Variants in YEATS2 observed in about 807,000 individuals in gnomAD.
YEATS2 encodes YEATS domain-containing protein 2.
YEATS2 carries 77 observed loss-of-function variants against 163.2 expected under a neutral mutation model. That is an observed-to-expected ratio of 0.47 (90% CI 0.39 to 0.57). The LOEUF is 0.57. Among genes scored for constraint, YEATS2 ranks in the 20% least tolerant of loss-of-function variants. The probability of loss-of-function intolerance (pLI) is 0.00; values close to 1 mark genes in which losing one functional copy is unlikely to be tolerated. For missense variants in YEATS2, 1,549 were observed against 1,729.8 expected, an observed-to-expected ratio of 0.90 and a Z score of 1.85; for synonymous variants, 631 against 645.1, an observed-to-expected ratio of 0.98 and a Z score of 0.33.
intron 5 of YEATS2, among the ~76,000 whole-genome samples, chr3:183,722,683 C>T (rs895321219): frequency 1.4e-5 from 2 of 148,112 alleles, no homozygotes; most frequent in South Asian, 2.2e-4. Flanking sequence ...GACGGAGTCT[C>T]GCTTTATCAC....
intron 12 of YEATS2, among the ~76,000 whole-genome samples, chr3:183,757,476 A>C (rs994421386): frequency 6.6e-6 from 1 of 150,446 alleles, no homozygotes; most frequent in Non-Finnish European, 1.5e-5. Flanking sequence ...TTTTTAGTAG[A>C]GATGGGGTTT....
intron 15 of YEATS2, among the ~76,000 whole-genome samples, chr3:183,765,903 C>T (rs921793830): frequency 3.3e-5 from 5 of 150,414 alleles, no homozygotes; most frequent in African/African-American, 7.4e-5. Flanking sequence ...ACTGAGATGA[C>T]GCCACTGTAC....
chr3:183,758,395 A>G (rs1389700840), intron 12 of YEATS2, among the ~76,000 whole-genome samples: 1 of 152,124 alleles, frequency 6.6e-6, no homozygotes, highest in Non-Finnish European at 1.5e-5. Context: ...ATTTTGGAAT[A>G]GGCATAACTT....
intron 29 of YEATS2, 136 bp downstream of exon 29, chr3:183,808,240 T>C (rs1312903371): frequency 1.6e-6 from 1 of 633,434 alleles, no homozygotes; most frequent in Non-Finnish European, 2.6e-6. Flanking sequence ...AAGTTCTCTC[T>C]TTTTGTTTTT....
At chr3:183,747,926 C>T (rs1172971601) in intron 9 of YEATS2, among the ~76,000 whole-genome samples, 5 of 151,820 alleles carry the variant, frequency 3.3e-5, no homozygotes, top group African/African-American at 1.2e-4. Flanking sequence ...ATTACAGGAA[C>T]GCACCACCAT....
intron 5 of YEATS2, among the ~76,000 whole-genome samples, chr3:183,722,673 G>A (rs1716649073): frequency 6.6e-6 from 1 of 151,168 alleles, no homozygotes; most frequent in African/African-American, 2.4e-5. Context: ...TTTTTTCTGA[G>A]ACGGAGTCTC....
chr3:183,797,827 A>G, intron 21 of YEATS2, 96 bp from the exon 22 acceptor site: 1 of 1,509,242 alleles, frequency 6.6e-7, no homozygotes, highest in Non-Finnish European at 9.0e-7. Context: ...TGTCCTGGGA[A>G]CTTCCTCCAT....
intron 15 of YEATS2, among the ~76,000 whole-genome samples, chr3:183,765,636 G>A (rs1721827121): frequency 6.6e-6 from 1 of 152,164 alleles, no homozygotes; most frequent in Non-Finnish European, 1.5e-5. Context: ...TATTGCTGAA[G>A]TGCATTCCTA....
intron 19 of YEATS2, among the ~76,000 whole-genome samples, chr3:183,779,160 C>T (rs564299447): frequency 8.5e-5 from 13 of 152,272 alleles, no homozygotes; most frequent in South Asian, 2.1e-4. Context: ...CTGCCCGCCT[C>T]GGCCTCCGAA....
chr3:183,744,102 CTTTTTTTTTTTTT>C (rs562807575), intron 8 of YEATS2, among the ~76,000 whole-genome samples: 26 of 56,002 alleles, frequency 4.6e-4, no homozygotes, highest in Non-Finnish European at 6.5e-4. Context: ...TTTAGTTTTG[CTTTTTTTTTTTTT>C]TTTTTTTTTT....
intron 21 of YEATS2, chr3:183,792,976 G>T: frequency 2.6e-6 from 1 of 386,524 alleles, no homozygotes; most frequent in Non-Finnish European, 4.6e-6. Flanking sequence ...ATATGGCTTT[G>T]CTTCTCAAAC....
In YEATS2 at chr3:183,724,820, G is replaced by A. The variant is rs1475390240; in HGVS notation, c.650+289G>A. 2.6e-5 allele frequency among the ~76,000 whole-genome samples: 4 copies of A among 152,174 alleles called. No individual in the cohort carries two copies. The South Asian group carries it at 6.2e-4, about 24-fold the overall frequency. Reference sequence around the variant, plus strand: ...TGCAATGGCATGATCTTGGTTCACCGCAACCTCCCCCCGCCCGGGTTCAAG... The same window carrying A: ...TGCAATGGCATGATCTTGGTTCACCACAACCTCCCCCCGCCCGGGTTCAAG... On this transcript the variant is annotated intron_variant, in intron 6 of 30. Coordinates refer to ENST00000305135, the MANE Select transcript of YEATS2 (RefSeq NM_018023.5).
chr3:183,802,968 C>T (rs1044512357), intron 25 of YEATS2: 11 of 344,264 alleles, frequency 3.2e-5, no homozygotes, highest in Admixed American at 1.8e-4. Context: ...GTCCAGGGCT[C>T]CTAGTGGAGC....
chr3:183,721,008 A>G (rs1716434444), intron 4 of YEATS2, among the ~76,000 whole-genome samples: 1 of 152,176 alleles, frequency 6.6e-6, no homozygotes, highest in East Asian at 1.9e-4. Flanking sequence ...CCTTAACTTG[A>G]TTACATGAGC....
Position 183,801,452 on chromosome 3 carries a change from C to T in YEATS2, c.3429-3C>T, listed in dbSNP as rs1257000303. On this transcript the variant is annotated splice_polypyrimidine_tract_variant and splice_region_variant and intron_variant, in intron 24 of 30. Transcript: ENST00000305135. The stretch of plus-strand genomic sequence containing the variant: ...TGCCTTAATTTTTTTTTATCTCTCT[C>T]AGGATAGACCATTTAGAAACTATCC... 8.1e-6 allele frequency: 13 copies of T among 1,604,458 alleles called. No individual in the cohort carries two copies. In the Admixed American group the frequency reaches 2.2e-4, roughly 27 times the overall value.
rs770903108 is a variant in YEATS2 at position 183,798,871 on chromosome 3, C to T, written c.3227-20C>T. On this transcript the variant is annotated intron_variant, in intron 22 of 30. Transcript: ENST00000305135. ...TAATTTTTGTATTTGTTATATCCCT[C>T]CCTCCTTTTTTCCCTTTAGTGGTTC... is the stretch of plus-strand genomic sequence containing the variant. 1 of 1,573,912 alleles carries T rather than the reference C, an allele frequency of 6.4e-7. No homozygotes were observed. Among genetic ancestry groups the T allele is most frequent in the East Asian group, 2.2e-5 (1 of 44,678 alleles).
rs3736535 is a variant in YEATS2, at chr3:183,715,195, C to T, written c.33C>T (p.Thr11=). 0.17 allele frequency: 267,872 copies of T among 1,610,842 alleles called. 24,334 individuals are homozygous for T. Among genetic ancestry groups the T allele is most frequent in the East Asian group, 0.33 (14,604 of 44,824 alleles). Residue 11 remains threonine, a synonymous_variant, in exon 2 of 31, where the codon ACC becomes ACT. Coordinates refer to ENST00000305135, the MANE Select transcript of YEATS2 (RefSeq NM_018023.5). The stretch of plus-strand genomic sequence containing the variant: ...GAATCAAGCGAACCATCAAAGAAAC[C>T]GACCCTGATTACGAGGATGTATCTG... MSGIKRTIKE[T]DPDYEDVSVA...
chr3:183,703,449 T>C (rs1714317303), intron 1 of YEATS2, among the ~76,000 whole-genome samples: 1 of 152,142 alleles, frequency 6.6e-6, no homozygotes, highest in Admixed American at 6.6e-5. Context: ...TGTCCTTTAA[T>C]AGAGGTTGGT....
intron 20 of YEATS2, among the ~76,000 whole-genome samples, chr3:183,789,354 C>A (rs956609223): frequency 8.6e-5 from 13 of 151,958 alleles, no homozygotes; most frequent in African/African-American, 3.1e-4. Flanking sequence ...TTTCCCAGCA[C>A]AAGTCTTTAT....
Sources: gnomAD v4.1 joint callset for allele counts (sites outside exome capture counted in the v4.1 genomes callset) on GRCh38, gnomAD v4.1.1 for gene constraint, MANE v1.5 for transcripts, NCBI Gene and HGNC (gene_info 2026-07-23, HGNC 2026-07-21) for gene names.